NF2: variants seen among roughly 807,000 people sequenced by gnomAD.
NF2 encodes NF2, moesin-ezrin-radixin like (MERLIN) tumor suppressor, also known as merlin.
NF2 carries 8 observed loss-of-function variants against 83.7 expected under a neutral mutation model. The observed-to-expected ratio is 0.10, with a 90% confidence interval of 0.06 to 0.17. The LOEUF is 0.17. Ranked by LOEUF, NF2 falls within the 10% of genes least tolerant of loss-of-function variation. NF2 has a pLI of 1.00. For synonymous variants in NF2, 266 were observed against 269.6 expected, an observed-to-expected ratio of 0.99 and a Z score of 0.13; for missense variants, 533 against 744.4, an observed-to-expected ratio of 0.72 and a Z score of 3.31.
In NF2 at chr22:29,694,254, C is replaced by T. The variant is rs1424561164; in HGVS notation, c.1738-498C>T. Among the ~76,000 whole-genome samples the T allele has an allele frequency of 1.3e-5, 2 of 152,198 alleles. No individual in the cohort carries two copies. Among genetic ancestry groups the T allele is most frequent in the African/African-American group, 2.4e-5 (1 of 41,458 alleles). The stretch of plus-strand genomic sequence containing the variant: ...GGAAACCAGGAGTAGAAGGGGTAAA[C>T]TCTTCCTCATCTGCCACAGGCCTGC... On this transcript the variant is annotated intron_variant, in intron 15 of 15. Transcript: ENST00000338641. This position sits in a 1 kb window ranked among gnomAD's most constrained non-coding sequence, Gnocchi z 4.1.
At chr22:29,688,649 C>T (rs1172701136) in intron 15 of NF2, among the ~76,000 whole-genome samples, 1 of 152,254 alleles carries the variant, frequency 6.6e-6, no homozygotes, top group East Asian at 1.9e-4. Context: ...GGTTTTCAGG[C>T]AGCTTTTGCT....
In NF2 at chr22:29,603,758, G is replaced by C. The variant is rs1013733318; in HGVS notation, c.-241G>C. 1.9e-6 allele frequency: 1 copy of C among 518,714 alleles called. No homozygotes were observed. The highest frequency in any genetic ancestry group is 3.4e-6 in the Non-Finnish European group (1 of 296,946). 32.1% of individuals were successfully genotyped at this position (518,714 alleles called of 1,614,324 possible). A position where few individuals can be genotyped will look rare whatever the true frequency, so the allele number is the denominator to read the frequency against. On this transcript the variant is annotated 5_prime_UTR_variant, in exon 1 of 16. Coordinates refer to ENST00000338641, the MANE Select transcript of NF2 (RefSeq NM_000268.4). Reference sequence around the variant, plus strand: ...AGTGCCGGGTCGCGCCTGCACCGAAGGTCCCGGCTCCTGTGCCCTCCCTGC... The same window carrying C: ...AGTGCCGGGTCGCGCCTGCACCGAACGTCCCGGCTCCTGTGCCCTCCCTGC...
chr22:29,647,915 G>A (rs537742464), intron 4 of NF2, among the ~76,000 whole-genome samples: 2 of 152,114 alleles, frequency 1.3e-5, no homozygotes, highest in South Asian at 4.2e-4. Flanking sequence ...ATGTACATGT[G>A]CAAATGCTTT....
At chr22:29,683,537 G>C in intron 15 of NF2, 1 of 1,118,132 alleles carries the variant, frequency 8.9e-7, no homozygotes, top group Non-Finnish European at 1.1e-6. Context: ...CTGGTAGTGG[G>C]GCAAAAGGGT....
At chr22:29,664,406 C>T (rs2066560325) in intron 8 of NF2, among the ~76,000 whole-genome samples, 1 of 144,700 alleles carries the variant, frequency 6.9e-6, no homozygotes, top group South Asian at 2.2e-4. Flanking sequence ...CACACACACA[C>T]AGCTCATTTC....
At chr22:29,659,739 A>C (rs1268280788) in intron 7 of NF2, among the ~76,000 whole-genome samples, 1 of 152,204 alleles carries the variant, frequency 6.6e-6, no homozygotes, top group Admixed American at 6.5e-5. Context: ...TTTTTTAAAA[A>C]TTTAAACTAA....
Position 29,609,017 on chromosome 22 carries a change from A to G in NF2, c.114+4905A>G, listed in dbSNP as rs12628534. The stretch of plus-strand genomic sequence containing the variant: ...GATTATCTCCACCGGAATGTAATGG[A>G]TGAACATGCATGTGATGGTGTCCAA... On this transcript the variant is annotated intron_variant, in intron 1 of 15. Transcript: ENST00000338641. 5.5e-4 allele frequency: 378 copies of G among 691,224 alleles called. 7 individuals carry two copies. In the East Asian group the frequency reaches 5.5e-3, roughly 10 times the overall value. The allele number at this position is 691,224 out of a possible 1,614,324, so 42.8% of individuals were successfully genotyped here. A position where few individuals can be genotyped will look rare whatever the true frequency, so the allele number is the denominator to read the frequency against.
Position 29,636,992 on chromosome 22 carries a change from C to T in NF2, c.240+116C>T, listed in dbSNP as rs2065668096. On this transcript the variant is annotated intron_variant, in intron 2 of 15. Coordinates refer to ENST00000338641, the MANE Select transcript of NF2 (RefSeq NM_000268.4). The surrounding 1 kb of genome is among the most constrained non-coding windows in gnomAD (Gnocchi z 4.4). The stretch of plus-strand genomic sequence containing the variant: ...TAGCTGTATAGTAGAGAAGGGGGCA[C>T]ATTCCTGAATTAAGTCATGCAGAAA... 6.9e-7 allele frequency: 1 copy of T among 1,454,752 alleles called. No homozygotes were observed. 90.1% of individuals were successfully genotyped at this position (1,454,752 alleles called of 1,614,324 possible).
intron 14 of NF2, among the ~76,000 whole-genome samples, chr22:29,679,801 G>A (rs1321748677): frequency 6.6e-6 from 1 of 151,800 alleles, no homozygotes; most frequent in Admixed American, 6.6e-5. Context: ...GGGAGGCAGA[G>A]GTTGCAGTGA....
intron 1 of NF2, among the ~76,000 whole-genome samples, chr22:29,622,321 G>T (rs984687897): frequency 2.0e-5 from 3 of 152,116 alleles, no homozygotes; most frequent in Non-Finnish European, 4.4e-5. Flanking sequence ...GAATCAAGTG[G>T]ACATTTTCTG....
At chr22:29,649,308 C>T (rs929881365) in intron 4 of NF2, among the ~76,000 whole-genome samples, 2 of 152,180 alleles carry the variant, frequency 1.3e-5, no homozygotes, top group East Asian at 1.9e-4. Context: ...TGGCCAGGCA[C>T]GGTGGCTCAC....
At chr22:29,664,352 A>T (rs1170320451) in intron 8 of NF2, among the ~76,000 whole-genome samples, 2 of 149,146 alleles carry the variant, frequency 1.3e-5, no homozygotes, top group East Asian at 3.9e-4. Context: ...ATATCATCTT[A>T]GTCACCAAAA....
chr22:29,619,758 G>T (rs536765260), intron 1 of NF2, among the ~76,000 whole-genome samples: 1 of 152,278 alleles, frequency 6.6e-6, no homozygotes, highest in Admixed American at 6.5e-5. Flanking sequence ...GTCTAGGACA[G>T]GCAGGGGTGA....
rs2146989272 is a variant in NF2, at chr22:29,658,196, G to A, written c.607G>A (p.Ala203Thr). 1.9e-6 allele frequency: 3 copies of A among 1,614,112 alleles called. No individual in the cohort carries two copies. Among genetic ancestry groups the A allele is most frequent in the Non-Finnish European group, 2.5e-6 (3 of 1,180,012 alleles). ...CTTCCGTTCTCCCCACAGGGATGAA[G>A]CTGAAATGGAATATCTGAAGATAGC... ...AEHRGRARDE[A>T]EMEYLKIAQD... The change falls in exon 7 of 16, where the codon GCT becomes ACT. Residue 203 changes from alanine to threonine, a missense_variant. Ala to Thr is a moderately conservative substitution (Grantham distance 58). Coordinates refer to ENST00000338641, the MANE Select transcript of NF2 (RefSeq NM_000268.4).
chr22:29,611,506 G>A (rs1028593189), intron 1 of NF2, among the ~76,000 whole-genome samples: 13 of 152,114 alleles, frequency 8.5e-5, no homozygotes, highest in African/African-American at 3.1e-4. Context: ...AATAGGCTGG[G>A]CGACAGAGCT....
chr22:29,604,060 C>A lies in NF2; in HGVS notation c.62C>A (p.Thr21Lys). ...TCTCTCAAGAGGAAGCAACCCAAGACGTTCACCGTGAGGATCGTCACCATG... is the reference window on the plus strand; with the variant it reads ...TCTCTCAAGAGGAAGCAACCCAAGAAGTTCACCGTGAGGATCGTCACCATG... Reference protein sequence around the residue: ...FSSLKRKQPKTFTVRIVTMDA... With the variant: ...FSSLKRKQPKKFTVRIVTMDA... The change falls in exon 1 of 16, where the codon ACG (threonine) becomes AAG (lysine). Residue 21 changes from threonine to lysine, a missense_variant. Coordinates refer to ENST00000338641, the MANE Select transcript of NF2 (RefSeq NM_000268.4). 1 of 1,607,960 alleles carries A rather than the reference C, an allele frequency of 6.2e-7. No individual in the cohort carries two copies. The highest frequency in any genetic ancestry group is 1.1e-5 in the South Asian group (1 of 89,824).
intron 7 of NF2, among the ~76,000 whole-genome samples, chr22:29,660,141 C>T (rs1395075305): frequency 1.3e-5 from 2 of 152,200 alleles, no homozygotes; most frequent in Non-Finnish European, 2.9e-5. Flanking sequence ...GGCTAGACCA[C>T]AGCACTGGCG....
chr22:29,648,944 A>T (rs141933064), intron 4 of NF2, among the ~76,000 whole-genome samples: 1 of 152,262 alleles, frequency 6.6e-6, no homozygotes, highest in Non-Finnish European at 1.5e-5. Flanking sequence ...GAGGGACTGG[A>T]TTATTTAAAT....
At chr22:29,650,520 C>T (rs570442373) in intron 4 of NF2, among the ~76,000 whole-genome samples, 2 of 151,964 alleles carry the variant, frequency 1.3e-5, no homozygotes, top group African/African-American at 4.8e-5. Flanking sequence ...TTGTTTGTTT[C>T]TTTCTTTTTC....
Sources: allele counts gnomAD v4.1 joint callset (sites outside exome capture counted in the v4.1 genomes callset), GRCh38; gene constraint gnomAD v4.1.1; non-coding constraint Gnocchi (gnomAD v3.1); transcripts MANE v1.5; gene names NCBI Gene and HGNC (gene_info 2026-07-23, HGNC 2026-07-21).